The following UGT1A6 variants were observed in gnomAD, a reference collection of about 807,000 sequenced individuals.
UGT1A6 encodes the protein UDP-glucuronosyltransferase 1A6.
A neutral mutation model predicts 44.4 loss-of-function variants in UGT1A6; 32 were observed. The observed-to-expected ratio is 0.72, with a 90% CI of 0.54 to 0.97. The LOEUF is 0.97. UGT1A6 is among the 50% of genes least tolerant of loss of function. The pLI is 0.00. For missense variants in UGT1A6, 685 were observed against 661.9 expected, an observed-to-expected ratio of 1.03 and a Z score of -0.38; for synonymous variants, 238 against 248.5, an observed-to-expected ratio of 0.96 and a Z score of 0.40.
intron 1 of UGT1A6, among the ~76,000 whole-genome samples, chr2:233,711,301 G>T (rs1575495377): frequency 6.6e-6 from 1 of 152,358 alleles, no homozygotes; most frequent in East Asian, 1.9e-4. Flanking sequence ...GTAGAAATTA[G>T]ATGACATTGG....
Position 233,700,676 on chromosome 2 carries a change from G to A in UGT1A6, c.861+6811G>A, listed in dbSNP as rs559449126. On this transcript the variant is annotated intron_variant, in intron 1 of 4. Transcript: ENST00000305139. ...TATTTCTACTTTTCAGCACAAATTC[G>A]TGATAATATATAAACTACACTTTGA... is the stretch of plus-strand genomic sequence containing the variant. Among the ~76,000 whole-genome samples the A allele has an allele frequency of 6.6e-5, 10 of 151,838 alleles. 1 individual carries two copies. In the South Asian group the frequency reaches 1.7e-3, roughly 25 times the overall value.
intron 1 of UGT1A6, among the ~76,000 whole-genome samples, chr2:233,710,285 G>C (rs2076123974): frequency 6.6e-6 from 1 of 152,194 alleles, no homozygotes; most frequent in Non-Finnish European, 1.5e-5. Context: ...ATACTTAAAA[G>C]TGGGATTGTT....
intron 1 of UGT1A6, among the ~76,000 whole-genome samples, chr2:233,749,118 C>G (rs1694113620): frequency 6.6e-6 from 1 of 151,770 alleles, no homozygotes; most frequent in Non-Finnish European, 1.5e-5. Context: ...CTTTTTATGT[C>G]ATATTCACTG....
chr2:233,767,955 A>G lies in UGT1A6; in HGVS notation c.1081+19A>G. ...CTGCTTGGTATGTTGGGCGGATTGG[A>G]TGTATAGGTCAAACCAGGGTCAAAT... On this transcript the variant is annotated intron_variant, in intron 3 of 4. Coordinates refer to ENST00000305139, the MANE Select transcript of UGT1A6 (RefSeq NM_001072.4). 1 of 1,614,124 alleles carries G rather than the reference A, an allele frequency of 6.2e-7. No homozygotes were observed. The highest frequency in any genetic ancestry group is 8.5e-7 in the Non-Finnish European group (1 of 1,180,040).
At position 233,693,293 on chromosome 2, in the gene UGT1A6, A is replaced by G. The variant is rs978243780; in HGVS notation, c.289A>G (p.Asn97Asp). 3.7e-6 allele frequency: 6 copies of G among 1,614,104 alleles called. No individual in the cohort carries two copies. The highest frequency in any genetic ancestry group is 1.3e-5 in the African/African-American group (1 of 74,952). Residue 97 changes from asparagine to aspartate, a missense_variant, in exon 1 of 5, where the codon AAT becomes GAT. Physicochemically the swap from Asn to Asp is conservative, Grantham distance 23. Transcript: ENST00000305139. ...GAACCGTTACCAATCATTTGGAAAC[A>G]ATCACTTTGCTGAGCGATCATTCCT... ...LKNRYQSFGNNHFAERSFLTA... is the reference protein window; with the variant it reads ...LKNRYQSFGNDHFAERSFLTA...
intron 1 of UGT1A6, 151 bp downstream of exon 1, chr2:233,694,016 A>G: frequency 2.2e-6 from 3 of 1,386,912 alleles, no homozygotes; most frequent in South Asian, 2.7e-5. Flanking sequence ...GCGGGAACAC[A>G]TAGGAGACCT....
chr2:233,701,917 A>C (rs1244253479), intron 1 of UGT1A6, among the ~76,000 whole-genome samples: 3 of 152,188 alleles, frequency 2.0e-5, no homozygotes, highest in South Asian at 2.1e-4. Flanking sequence ...TGACACCCTA[A>C]CATCACAATT....
intron 1 of UGT1A6, among the ~76,000 whole-genome samples, chr2:233,700,294 G>A (rs1048502778): frequency 2.0e-5 from 3 of 152,140 alleles, no homozygotes; most frequent in Admixed American, 2.0e-4. Flanking sequence ...ACGTGACTTA[G>A]GCCAATGTCT....
rs35041092 is a variant in UGT1A6 at position 233,761,235 on chromosome 2, C to T, written c.862-5799C>T. 9.3e-4 allele frequency: 1,493 copies of T among 1,612,640 alleles called. 2 individuals are homozygous for T. The highest frequency in any genetic ancestry group is 1.5e-3 in the Middle Eastern group (9 of 6,058). ...TCGATTAACTAGCCCCAGATATATG[C>T]TGAGCAAGCATTCTGAGATAATTTA... On this transcript the variant is annotated intron_variant, in intron 1 of 4. Coordinates refer to ENST00000305139, the MANE Select transcript of UGT1A6 (RefSeq NM_001072.4).
At chr2:233,706,881 C>A (rs2075928879) in intron 1 of UGT1A6, among the ~76,000 whole-genome samples, 1 of 152,226 alleles carries the variant, frequency 6.6e-6, no homozygotes, top group Admixed American at 6.5e-5. Context: ...CACTTCCCAG[C>A]TCTGGTTGGA....
intron 1 of UGT1A6, among the ~76,000 whole-genome samples, chr2:233,758,968 C>T (rs1224363949): frequency 6.6e-6 from 1 of 152,170 alleles, no homozygotes; most frequent in Non-Finnish European, 1.5e-5. Context: ...AATGCCTTTC[C>T]CCTGGATCTT....
chr2:233,763,791 A>T (rs995019532), intron 1 of UGT1A6, among the ~76,000 whole-genome samples: 41 of 152,200 alleles, frequency 2.7e-4, no homozygotes, highest in African/African-American at 9.9e-4. Flanking sequence ...TTGGGAGAAA[A>T]GGAATGAAAC....
At chr2:233,713,703 C>G (rs561558353) in intron 1 of UGT1A6, 2 of 1,613,916 alleles carry the variant, frequency 1.2e-6, no homozygotes, top group East Asian at 2.2e-5. Context: ...TGCCTCTGAG[C>G]TTTTTCAGAG....
chr2:233,747,901 C>G (rs1437655661), intron 1 of UGT1A6: 1 of 1,613,426 alleles, frequency 6.2e-7, no homozygotes, highest in Non-Finnish European at 8.5e-7. Flanking sequence ...CTTTCTGCTC[C>G]TTATGCAAGC....
intron 1 of UGT1A6, chr2:233,718,733 C>T: frequency 6.2e-6 from 10 of 1,611,470 alleles, no homozygotes; most frequent in Non-Finnish European, 8.5e-6. Flanking sequence ...TGCTAGGTGG[C>T]TCAATGACAA....
rs1201935304 is a variant in UGT1A6 at position 233,769,504 on chromosome 2, G to T, written c.1301+1065G>T. ...GCGTGTGTTTATGAGAGTGTCCATT[G>T]CTTTCTCCCATGGTTACCTCCTTTA... On this transcript the variant is annotated intron_variant, in intron 4 of 4. Transcript: ENST00000305139. This position sits in a 1 kb window ranked among gnomAD's most constrained non-coding sequence, Gnocchi z 4.4. The T allele has an allele frequency of 1.2e-6, 2 of 1,612,732 alleles. No homozygotes were observed. The highest frequency in any genetic ancestry group is 1.7e-4 in the Middle Eastern group (1 of 6,058).
At position 233,765,498 on chromosome 2, in the gene UGT1A6, A is replaced by T. The variant is rs145381988; in HGVS notation, c.862-1536A>T. Among the ~76,000 whole-genome samples the T allele has an allele frequency of 4.4e-3, 672 of 152,238 alleles. 2 individuals carry two copies. Among genetic ancestry groups the T allele is most frequent in the African/African-American group, 0.015 (643 of 41,546 alleles). On this transcript the variant is annotated intron_variant, in intron 1 of 4. Coordinates refer to ENST00000305139, the MANE Select transcript of UGT1A6 (RefSeq NM_001072.4). ...GGAAGCCATCATCCTCCACAAACTAACACAGGAACAGAAAATCAAACACCG... is the reference window on the plus strand; with the variant it reads ...GGAAGCCATCATCCTCCACAAACTATCACAGGAACAGAAAATCAAACACCG...
intron 1 of UGT1A6, among the ~76,000 whole-genome samples, chr2:233,730,680 C>A (rs1218688522): frequency 6.6e-6 from 1 of 152,088 alleles, no homozygotes; most frequent in Admixed American, 6.6e-5. Context: ...GTAATGGTTG[C>A]ATCTCAAATG....
chr2:233,734,278 T>A (rs2078507022), intron 1 of UGT1A6, among the ~76,000 whole-genome samples: 1 of 152,194 alleles, frequency 6.6e-6, no homozygotes, highest in Admixed American at 6.5e-5. Flanking sequence ...CAGGAATTTA[T>A]CCATTTCTTC....
Sources: allele counts gnomAD v4.1 joint callset (sites outside exome capture counted in the v4.1 genomes callset), GRCh38; gene constraint gnomAD v4.1.1; non-coding constraint Gnocchi (gnomAD v3.1); transcripts MANE v1.5; gene names NCBI Gene and HGNC (gene_info 2026-07-23, HGNC 2026-07-21).